KIF1B: variants seen among roughly 807,000 people sequenced by gnomAD.
KIF1B encodes kinesin family member 1B, also known as kinesin-like protein KIF1B.
KIF1B carries 76 observed loss-of-function variants against 241.9 expected under a neutral mutation model. That is an observed-to-expected ratio of 0.31 (90% CI 0.26 to 0.38). KIF1B has a LOEUF of 0.38. Ranked by LOEUF, KIF1B falls within the 10% of genes least tolerant of loss-of-function variation. The probability of loss-of-function intolerance (pLI) is 1.00; values close to 1 mark genes in which losing one functional copy is unlikely to be tolerated. For synonymous variants in KIF1B, 750 were observed against 796.7 expected (o/e 0.94, Z 0.99); for missense variants, 1,622 against 2,271.4 (o/e 0.71, Z 5.81).
At chr1:10,290,581 A>G (rs1020079544) in intron 15 of KIF1B, among the ~76,000 whole-genome samples, 2 of 151,776 alleles carry the variant, frequency 1.3e-5, no homozygotes, top group African/African-American at 2.4e-5. Context: ...TCCCGGGTTC[A>G]TGCCATTCTC....
chr1:10,239,908 A>G (rs1285170938), intron 2 of KIF1B, among the ~76,000 whole-genome samples: 9 of 149,832 alleles, frequency 6.0e-5, no homozygotes, highest in Admixed American at 5.3e-4. Flanking sequence ...TGGGACTACA[A>G]GCACCCGCCA....
chr1:10,304,721 A>C (rs895747940), intron 22 of KIF1B: 3 of 1,588,538 alleles, frequency 1.9e-6, no homozygotes, highest in South Asian at 2.3e-5. Context: ...ATTTGGTTCT[A>C]CCTTTGGCCT....
chr1:10,296,871 A>T, intron 20 of KIF1B, 26 bp from the exon 21 acceptor site: 1 of 1,604,596 alleles, frequency 6.2e-7, no homozygotes. Flanking sequence ...ATTATTTCTT[A>T]ACCCTATTTT....
At chr1:10,372,729 AC>A (rs1638779341) in intron 45 of KIF1B, among the ~76,000 whole-genome samples, 1 of 144,988 alleles carries the variant, frequency 6.9e-6, no homozygotes, top group Non-Finnish European at 1.5e-5. Flanking sequence ...TCCCAGGTTC[AC>A]GCCATTCTCC....
At chr1:10,332,069 C>CT (rs1651962460) in intron 27 of KIF1B, among the ~76,000 whole-genome samples, 1 of 151,960 alleles carries the variant, frequency 6.6e-6, no homozygotes, top group African/African-American at 2.4e-5. Context: ...TATCTTTTTT[C>CT]TTTTTTTCTC....
Position 10,365,289 on chromosome 1 carries a change from A to G in KIF1B, c.4512+44A>G. On this transcript the variant is annotated intron_variant, in intron 42 of 48. Coordinates refer to ENST00000676179, the MANE Select transcript of KIF1B (RefSeq NM_001365951.3). The surrounding 1 kb of genome is among the most constrained non-coding windows in gnomAD (Gnocchi z 4.0). ...GTTCAGATGCAAGAACTCTCGGACA[A>G]GATTGCCAAAGTATCAGTCTTCCTC... 1 of 1,613,508 alleles carries G rather than the reference A, an allele frequency of 6.2e-7. No homozygotes were observed. Among genetic ancestry groups the G allele is most frequent in the Non-Finnish European group, 8.5e-7 (1 of 1,179,690 alleles).
chr1:10,284,439 A>G (rs1649586890), intron 15 of KIF1B, among the ~76,000 whole-genome samples: 1 of 152,114 alleles, frequency 6.6e-6, no homozygotes, highest in Admixed American at 6.6e-5. Flanking sequence ...TAATCCCAGC[A>G]CTTTGGGAGG....
Position 10,326,315 on chromosome 1 carries a change from T to C in KIF1B, c.2880T>C (p.His960=). 1 of 1,614,206 alleles carries C rather than the reference T, an allele frequency of 6.2e-7. No homozygotes were observed. Among genetic ancestry groups the C allele is most frequent in the Non-Finnish European group, 8.5e-7 (1 of 1,180,050 alleles). ...EEGSDLFSDG[H]DPFYDRSPWF... ...GATCAGATCTCTTCAGTGACGGGCA[T>C]GACCCGTTTTACGACCGATCCCCTT... The change falls in exon 27 of 49, where the codon CAT becomes CAC. Residue 960 remains histidine, a synonymous_variant. Transcript: ENST00000676179. The surrounding 1 kb of genome is among the most constrained non-coding windows in gnomAD (Gnocchi z 5.2).
At chr1:10,330,998 C>T (rs978701351) in intron 27 of KIF1B, among the ~76,000 whole-genome samples, 1 of 151,790 alleles carries the variant, frequency 6.6e-6, no homozygotes, top group African/African-American at 2.4e-5. Flanking sequence ...TGGTAGCTCA[C>T]GCCTGTAATC....
At chr1:10,306,459 A>G (rs1650831242) in intron 22 of KIF1B, 24 of 993,454 alleles carry the variant, frequency 2.4e-5, no homozygotes, top group Non-Finnish European at 2.9e-5. Context: ...ATTAAAAATA[A>G]TAATTGCTAG....
At chr1:10,297,112 C>G in intron 21 of KIF1B, 35 bp downstream of exon 21, 1 of 1,608,184 alleles carries the variant, frequency 6.2e-7, no homozygotes. Context: ...ATGACTGTTT[C>G]TTCTTTTAAA....
intron 7 of KIF1B, among the ~76,000 whole-genome samples, chr1:10,270,342 G>A (rs2102210905): frequency 6.6e-6 from 1 of 152,214 alleles, no homozygotes; most frequent in Admixed American, 6.5e-5. Context: ...CATAGAGTAT[G>A]TACTGTTTTT....
intron 27 of KIF1B, among the ~76,000 whole-genome samples, chr1:10,327,714 A>C (rs1205518953): frequency 6.6e-6 from 1 of 152,140 alleles, no homozygotes; most frequent in Non-Finnish European, 1.5e-5. Flanking sequence ...CAAGTTCAAC[A>C]GTAGAGCATG....
At chr1:10,258,752 G>A (rs1313577260) in intron 4 of KIF1B, 80 bp downstream of exon 4, 4 of 1,402,002 alleles carry the variant, frequency 2.9e-6, no homozygotes, top group Non-Finnish European at 4.0e-6. Flanking sequence ...ATTTTTATTT[G>A]GCGAACATTT....
rs1638900638 is a variant in KIF1B, at chr1:10,376,754, G to T, written c.*167G>T. On this transcript the variant is annotated 3_prime_UTR_variant, in exon 49 of 49. Coordinates refer to ENST00000676179, the MANE Select transcript of KIF1B (RefSeq NM_001365951.3). ...AGCTCTCCCGTTCCCCATCTCCATTGCTCTGTACTCTTTTCTTTTTTCTTG... is the reference window on the plus strand; with the variant it reads ...AGCTCTCCCGTTCCCCATCTCCATTTCTCTGTACTCTTTTCTTTTTTCTTG... 2 of 689,024 alleles carry T rather than the reference G, an allele frequency of 2.9e-6. No homozygotes were observed. Among genetic ancestry groups the T allele is most frequent in the East Asian group, 5.5e-5 (2 of 36,250 alleles). The allele number at this position is 689,024 out of a possible 1,614,324, so 42.7% of individuals were successfully genotyped here.
Position 10,361,402 on chromosome 1 carries a change from T to A in KIF1B, c.4171-290T>A, listed in dbSNP as rs572235829. Among the ~76,000 whole-genome samples the A allele has an allele frequency of 5.4e-4, 83 of 152,304 alleles. 2 individuals carry two copies. The highest frequency in any genetic ancestry group is 5.4e-3 in the Admixed American group (83 of 15,294). ...CCAAGACCCAGCCTGTCGGTTCAAA[T>A]CCCTGTGCTGCCACTTACTTCCTCT... On this transcript the variant is annotated intron_variant, in intron 39 of 48. Transcript: ENST00000676179.
rs183430154 is a variant in KIF1B at position 10,349,058 on chromosome 1, G to A, written c.3949+325G>A. Among the ~76,000 whole-genome samples, 94 of 152,252 alleles carry A rather than the reference G, an allele frequency of 6.2e-4. 1 individual carries two copies. In the East Asian group the frequency reaches 0.015, roughly 24 times the overall value. Reference sequence around the variant, plus strand: ...TGAAACTCTGTATTCCTGTTTCTTCGCTCTGTCATTAGTGATATGTTATCC... The same window carrying A: ...TGAAACTCTGTATTCCTGTTTCTTCACTCTGTCATTAGTGATATGTTATCC... On this transcript the variant is annotated intron_variant, in intron 37 of 48. Coordinates refer to ENST00000676179, the MANE Select transcript of KIF1B (RefSeq NM_001365951.3).
chr1:10,215,138 TTA>T (rs1162229178), intron 1 of KIF1B, among the ~76,000 whole-genome samples: 1,084 of 59,496 alleles, frequency 0.018, 6 homozygotes, highest in South Asian at 0.036. Context: ...TTTATATATT[TTA>T]TATATATATA....
At chr1:10,372,982 T>G (rs1638788290) in intron 45 of KIF1B, among the ~76,000 whole-genome samples, 2 of 149,948 alleles carry the variant, frequency 1.3e-5, no homozygotes, top group Non-Finnish European at 3.0e-5. Context: ...CCCAGCTATT[T>G]TTTTTTTTAT....
Sources: gnomAD v4.1 joint callset for allele counts (sites outside exome capture counted in the v4.1 genomes callset) on GRCh38, gnomAD v4.1.1 for gene constraint, Gnocchi (gnomAD v3.1) non-coding constraint, MANE v1.5 for transcripts, NCBI Gene and HGNC (gene_info 2026-07-23, HGNC 2026-07-21) for gene names.